The following GULP1 variants were observed in gnomAD, a reference collection of about 807,000 sequenced individuals.
GULP1 encodes GULP PTB domain containing engulfment adaptor 1.
Under a neutral mutation model 40.9 loss-of-function variants are expected in GULP1, and 19 were observed. That is an observed-to-expected ratio of 0.46 (90% CI 0.32 to 0.68). The LOEUF (loss-of-function observed/expected upper bound fraction) is 0.68, where lower values mean the gene tolerates loss of function less well. Among genes scored for constraint, GULP1 ranks in the 30% least tolerant of loss-of-function variants. GULP1 has a pLI of 0.03. For missense variants in GULP1, 312 were observed against 362.2 expected, an observed-to-expected ratio of 0.86 and a Z score of 1.12; for synonymous variants, 119 against 117.6, an observed-to-expected ratio of 1.01 and a Z score of -0.08.
At chr2:188,511,546 G>A (rs1171432316) in intron 4 of GULP1, among the ~76,000 whole-genome samples, 1 of 151,940 alleles carries the variant, frequency 6.6e-6, no homozygotes, top group Non-Finnish European at 1.5e-5. Context: ...AGTGTGGGAG[G>A]GACTCCACAG....
chr2:188,544,473 C>A (rs1268514979), intron 7 of GULP1, among the ~76,000 whole-genome samples: 2 of 151,620 alleles, frequency 1.3e-5, no homozygotes, highest in East Asian at 3.9e-4. Flanking sequence ...AACAATATGG[C>A]ACATGTATAC....
intron 2 of GULP1, among the ~76,000 whole-genome samples, chr2:188,410,913 ATAACT>A (rs975981050): frequency 7.2e-5 from 11 of 152,216 alleles, no homozygotes; most frequent in Non-Finnish European, 1.6e-4. Flanking sequence ...CCTTGAGTAA[ATAACT>A]TAAAGTAGAT....
intron 4 of GULP1, among the ~76,000 whole-genome samples, chr2:188,514,080 T>TGTGTGTGTGTGTGTGTGC (rs1553577868): frequency 1.3e-5 from 2 of 148,658 alleles, no homozygotes; most frequent in Non-Finnish European, 3.0e-5. Flanking sequence ...TGTGTGTGTG[T>TGTGTGTGTGTGTGTGTGC]GTGCGCCCTG....
At chr2:188,315,272 G>A (rs1394505992) in intron 1 of GULP1, among the ~76,000 whole-genome samples, 3 of 152,136 alleles carry the variant, frequency 2.0e-5, no homozygotes, top group Non-Finnish European at 4.4e-5. Flanking sequence ...TGTTGTAATT[G>A]TTCTTTTATA....
chr2:188,556,319 C>T (rs1164824003), intron 7 of GULP1, among the ~76,000 whole-genome samples: 1 of 152,018 alleles, frequency 6.6e-6, no homozygotes, highest in Non-Finnish European at 1.5e-5. Context: ...TCCACTTGAT[C>T]TAGTCTATTA....
At chr2:188,548,388 TCTAAA>T (rs1233096157) in intron 7 of GULP1, among the ~76,000 whole-genome samples, 1 of 152,052 alleles carries the variant, frequency 6.6e-6, no homozygotes. Flanking sequence ...TAGGTATAAG[TCTAAA>T]CTAAGAAGTG....
At chr2:188,398,347 CAAAAT>C (rs1230130585) in intron 2 of GULP1, among the ~76,000 whole-genome samples, 1 of 152,140 alleles carries the variant, frequency 6.6e-6, no homozygotes. Flanking sequence ...ACCAAAAACA[CAAAAT>C]AAAGTTATTG....
intron 9 of GULP1, 141 bp from the exon 10 acceptor site, chr2:188,584,124 C>A (rs1701882292): frequency 3.7e-6 from 2 of 543,368 alleles, no homozygotes; most frequent in Non-Finnish European, 6.6e-6. Flanking sequence ...GAATACTTAA[C>A]TATTTTTGGT....
intron 1 of GULP1, among the ~76,000 whole-genome samples, chr2:188,336,944 A>G (rs2042332033): frequency 6.6e-6 from 1 of 152,148 alleles, no homozygotes; most frequent in Non-Finnish European, 1.5e-5. Flanking sequence ...ATTTTTTCAT[A>G]TCTTTGATGC....
At chr2:188,304,343 A>G (rs1316813218) in intron 1 of GULP1, among the ~76,000 whole-genome samples, 1 of 152,220 alleles carries the variant, frequency 6.6e-6, no homozygotes, top group African/African-American at 2.4e-5. Flanking sequence ...ATTTTCTTAT[A>G]CCTATGAGTT....
At chr2:188,318,363 G>T (rs985625037) in intron 1 of GULP1, among the ~76,000 whole-genome samples, 1 of 152,102 alleles carries the variant, frequency 6.6e-6, no homozygotes, top group Non-Finnish European at 1.5e-5. Flanking sequence ...ATGTGCTGTT[G>T]TTATCAGTTG....
intron 1 of GULP1, among the ~76,000 whole-genome samples, chr2:188,317,833 G>A (rs903985701): frequency 7.9e-5 from 12 of 151,628 alleles, no homozygotes; most frequent in Admixed American, 6.6e-5. Context: ...ATAGTGGATC[G>A]AAGATGATAT....
intron 7 of GULP1, among the ~76,000 whole-genome samples, chr2:188,564,787 G>A (rs1419199974): frequency 1.3e-5 from 2 of 151,848 alleles, no homozygotes; most frequent in Non-Finnish European, 2.9e-5. Flanking sequence ...ACCAAAATCT[G>A]GGCAAGCATA....
At chr2:188,430,018 A>C (rs1186717099) in intron 2 of GULP1, among the ~76,000 whole-genome samples, 1 of 152,190 alleles carries the variant, frequency 6.6e-6, no homozygotes, top group Non-Finnish European at 1.5e-5. Flanking sequence ...AAGCTGTAAA[A>C]AAATTTTACA....
chr2:188,395,689 A>T (rs2051150000), intron 2 of GULP1, among the ~76,000 whole-genome samples: 3 of 152,132 alleles, frequency 2.0e-5, no homozygotes, highest in Admixed American at 6.5e-5. Flanking sequence ...ATTCTGCTAG[A>T]AGTAGTATCT....
intron 2 of GULP1, among the ~76,000 whole-genome samples, chr2:188,412,524 G>A (rs563687509): frequency 1.8e-4 from 27 of 151,932 alleles, no homozygotes; most frequent in East Asian, 7.7e-4. Flanking sequence ...GAACTCCCAC[G>A]GTTTCCCTCC....
At chr2:188,556,608 G>T (rs1287861144) in intron 7 of GULP1, among the ~76,000 whole-genome samples, 1 of 152,002 alleles carries the variant, frequency 6.6e-6, no homozygotes, top group African/African-American at 2.4e-5. Context: ...TTCTTTCAAG[G>T]TGTCATATTT....
chr2:188,581,525 T>A (rs1701330154), intron 9 of GULP1, among the ~76,000 whole-genome samples: 1 of 152,166 alleles, frequency 6.6e-6, no homozygotes, highest in South Asian at 2.1e-4. Context: ...GCAGCTCAGC[T>A]CTCTCCAGCT....
At chr2:188,488,834 A>C (rs1160384446) in intron 4 of GULP1, among the ~76,000 whole-genome samples, 1 of 152,000 alleles carries the variant, frequency 6.6e-6, no homozygotes, top group African/African-American at 2.4e-5. Flanking sequence ...TTCTGGAACA[A>C]AATATTAATG....
Sources: allele counts gnomAD v4.1 joint callset (sites outside exome capture counted in the v4.1 genomes callset), GRCh38; gene constraint gnomAD v4.1.1; transcripts MANE v1.5; gene names NCBI Gene and HGNC (gene_info 2026-07-23, HGNC 2026-07-21).